The following CCDC7 variants were observed in gnomAD, a reference collection of about 807,000 sequenced individuals.
CCDC7 encodes the protein coiled-coil domain-containing protein 7.
In CCDC7, 183 loss-of-function variants were observed where a neutral mutation model predicts 196.9. The observed-to-expected ratio is 0.93, with a 90% CI of 0.82 to 1.05. The LOEUF is 1.05. CCDC7 is among the 50% of genes least tolerant of loss of function. CCDC7 has a pLI of 0.00. For synonymous variants in CCDC7, 525 were observed against 484.6 expected, an observed-to-expected ratio of 1.08 and a Z score of -1.10; for missense variants, 1,540 against 1,482.2, an observed-to-expected ratio of 1.04 and a Z score of -0.64.
At chr10:32,825,655 G>A (rs1244195823) in intron 32 of CCDC7, among the ~76,000 whole-genome samples, 1 of 152,120 alleles carries the variant, frequency 6.6e-6, no homozygotes, top group Non-Finnish European at 1.5e-5. Context: ...TCTTTTGTTG[G>A]TTTTGGGGTT....
intron 18 of CCDC7, among the ~76,000 whole-genome samples, chr10:32,612,435 G>C (rs1371366750): frequency 6.6e-6 from 1 of 152,066 alleles, no homozygotes; most frequent in Non-Finnish European, 1.5e-5. Context: ...AACTGCCCTG[G>C]CCAGAACTTC....
At chr10:32,627,033 G>A (rs1433668465) in intron 18 of CCDC7, among the ~76,000 whole-genome samples, 1 of 48,006 alleles carries the variant, frequency 2.1e-5, no homozygotes, top group African/African-American at 4.9e-5. Flanking sequence ...TGGCTATTCA[G>A]GTTTTTTTTT....
chr10:32,852,070 C>A, intron 40 of CCDC7, 138 bp downstream of exon 41: 1 of 815,486 alleles, frequency 1.2e-6, no homozygotes, highest in Non-Finnish European at 1.8e-6. Flanking sequence ...GAGTTAAGTG[C>A]ACCTAACATT....
chr10:32,810,520 G>A (rs1332494160), intron 30 of CCDC7, among the ~76,000 whole-genome samples: 1 of 152,024 alleles, frequency 6.6e-6, no homozygotes, highest in Non-Finnish European at 1.5e-5. Context: ...GATATATAAA[G>A]CAAATATTAA....
At chr10:32,734,623 A>G (rs375704927) in intron 28 of CCDC7, among the ~76,000 whole-genome samples, 2 of 152,188 alleles carry the variant, frequency 1.3e-5, no homozygotes, top group East Asian at 3.8e-4. Flanking sequence ...GGCTGGGCGC[A>G]GTGGCTCATG....
At chr10:32,643,793 A>G (rs983300599) in intron 20 of CCDC7, among the ~76,000 whole-genome samples, 2 of 151,706 alleles carry the variant, frequency 1.3e-5, no homozygotes, top group Admixed American at 6.6e-5. Flanking sequence ...TGATTTTTAC[A>G]TGTAACTTCA....
chr10:32,476,468 G>A (rs971752286), intron 8 of CCDC7, among the ~76,000 whole-genome samples: 1 of 152,072 alleles, frequency 6.6e-6, no homozygotes, highest in African/African-American at 2.4e-5. Context: ...CTATGAAAGG[G>A]CATCTTGGTT....
At chr10:32,585,174 C>T (rs574342899) in intron 18 of CCDC7, among the ~76,000 whole-genome samples, 22 of 151,736 alleles carry the variant, frequency 1.4e-4, no homozygotes, top group East Asian at 3.9e-4. Context: ...CCCGGGTTCA[C>T]GCCATTCTCC....
intron 18 of CCDC7, among the ~76,000 whole-genome samples, chr10:32,601,367 G>A (rs1299337279): frequency 1.3e-5 from 2 of 152,130 alleles, no homozygotes; most frequent in Non-Finnish European, 2.9e-5. Flanking sequence ...TACCACACCC[G>A]GCCCTAAGTT....
rs184054397 is a variant in CCDC7 at position 32,636,679 on chromosome 10, C to T, written c.2014+1521C>T. On this transcript the variant is annotated intron_variant, in intron 20 of 41. Coordinates refer to ENST00000639629, the Ensembl canonical transcript of CCDC7. The stretch of plus-strand genomic sequence containing the variant: ...GTCTTTGCTATTGTGAATAGTGCCG[C>T]AATAAACATATGTGTGCATGTGTCT... Among the ~76,000 whole-genome samples the T allele has an allele frequency of 2.2e-4, 34 of 152,288 alleles. No homozygotes were observed. In the East Asian group the frequency reaches 4.6e-3, roughly 21 times the overall value.
At chr10:32,567,548 A>G in intron 14 of CCDC7, 122 bp from the exon 16 acceptor site, 1 of 1,164,080 alleles carries the variant, frequency 8.6e-7, no homozygotes. Context: ...TGCTCCCTTC[A>G]ACTCAGTAAA....
At chr10:32,859,967 C>G (rs1425037050) in intron 41 of CCDC7, among the ~76,000 whole-genome samples, 1 of 152,116 alleles carries the variant, frequency 6.6e-6, no homozygotes, top group Non-Finnish European at 1.5e-5. Context: ...GATTCACAGC[C>G]AAATTCTACC....
chr10:32,754,352 A>G (rs1032570241), intron 28 of CCDC7, among the ~76,000 whole-genome samples: 3 of 152,214 alleles, frequency 2.0e-5, no homozygotes, highest in Non-Finnish European at 4.4e-5. Flanking sequence ...ATGTGGCCTC[A>G]TATGATGGAA....
chr10:32,768,348 G>A (rs1431088302), intron 28 of CCDC7, among the ~76,000 whole-genome samples: 3 of 152,048 alleles, frequency 2.0e-5, no homozygotes, highest in African/African-American at 7.2e-5. Context: ...ATACAGAAAT[G>A]CCACTAATTT....
chr10:32,801,060 G>A (rs1003032707), intron 29 of CCDC7, among the ~76,000 whole-genome samples: 1 of 152,124 alleles, frequency 6.6e-6, no homozygotes, highest in Admixed American at 6.5e-5. Context: ...TGCCATCTTG[G>A]GATCCAATTA....
In CCDC7 at chr10:32,787,775, G is replaced by A. The variant is rs111657178; in HGVS notation, c.3013+8691G>A. 5.1e-3 allele frequency among the ~76,000 whole-genome samples: 774 copies of A among 152,202 alleles called. 6 individuals carry two copies. The highest frequency in any genetic ancestry group is 6.5e-3 in the Non-Finnish European group (439 of 68,000). ...ATGCAGTCTCCAGTTTTGTCCCACC[G>A]TCAGACCAGCTCTAGCAGTCCCAGC... On this transcript the variant is annotated intron_variant, in intron 29 of 41. Coordinates refer to ENST00000639629, the Ensembl canonical transcript of CCDC7.
intron 28 of CCDC7, among the ~76,000 whole-genome samples, chr10:32,737,629 G>A (rs181380289): frequency 1.4e-4 from 22 of 152,220 alleles, no homozygotes; most frequent in Admixed American, 1.0e-3. Flanking sequence ...GGTACTGAAG[G>A]CTGCAAATAT....
At chr10:32,872,428 G>A (rs1323320809) in intron 41 of CCDC7, among the ~76,000 whole-genome samples, 1 of 151,674 alleles carries the variant, frequency 6.6e-6, no homozygotes, top group Non-Finnish European at 1.5e-5. Context: ...GAGCCTATGT[G>A]TGTCTCTGCA....
chr10:32,855,852 A>C (rs2136350571), intron 41 of CCDC7, among the ~76,000 whole-genome samples: 1 of 152,304 alleles, frequency 6.6e-6, no homozygotes, highest in Non-Finnish European at 1.5e-5. Context: ...CAATAACCAA[A>C]ACAGTATGGT....
Sources: allele counts gnomAD v4.1 joint callset (sites outside exome capture counted in the v4.1 genomes callset), GRCh38; gene constraint gnomAD v4.1.1; transcripts MANE v1.5; gene names NCBI Gene and HGNC (gene_info 2026-07-23, HGNC 2026-07-21).